The following YWHAE variants were observed in gnomAD, a reference collection of about 807,000 sequenced individuals.
YWHAE encodes tyrosine 3-monooxygenase/tryptophan 5-monooxygenase activation protein epsilon.
Under a neutral mutation model 30.1 loss-of-function variants are expected in YWHAE, and 4 were observed. That is an observed-to-expected ratio of 0.13 (90% CI 0.07 to 0.30). YWHAE has a LOEUF of 0.30. Among genes scored for constraint, YWHAE ranks in the 10% least tolerant of loss-of-function variants. The pLI, the probability that YWHAE is intolerant of heterozygous loss-of-function variation, is 1.00. For synonymous variants in YWHAE, 118 were observed against 111.8 expected (o/e 1.06, Z -0.35); for missense variants, 121 against 315.9 (o/e 0.38, Z 4.68).
chr17:1,363,993 A>C (rs1036527797), intron 2 of YWHAE, among the ~76,000 whole-genome samples: 8 of 152,220 alleles, frequency 5.3e-5, no homozygotes, highest in African/African-American at 1.4e-4. Context: ...AAGTTGTGAC[A>C]ATCAAAAGTA....
intron 1 of YWHAE, among the ~76,000 whole-genome samples, chr17:1,371,581 A>T (rs1296466738): frequency 2.6e-5 from 4 of 152,144 alleles, no homozygotes; most frequent in Admixed American, 6.6e-5. Context: ...CAAATTTTTC[A>T]AACAGTCAAT....
chr17:1,363,629 C>G (rs1338523552), intron 2 of YWHAE, among the ~76,000 whole-genome samples: 1 of 152,188 alleles, frequency 6.6e-6, no homozygotes, highest in Non-Finnish European at 1.5e-5. Context: ...TTTGTGCATT[C>G]ATAGTTGGGA....
chr17:1,379,454 C>T (rs928975510), intron 1 of YWHAE, among the ~76,000 whole-genome samples: 6 of 152,182 alleles, frequency 3.9e-5, no homozygotes, highest in Non-Finnish European at 7.3e-5. Flanking sequence ...CACTGCACTC[C>T]AGCCTGGGCA....
At chr17:1,370,916 T>C (rs1435451867) in intron 1 of YWHAE, among the ~76,000 whole-genome samples, 2 of 151,372 alleles carry the variant, frequency 1.3e-5, no homozygotes, top group African/African-American at 2.4e-5. Flanking sequence ...AGGAGAATGG[T>C]GTGAACCCGG....
intron 5 of YWHAE, among the ~76,000 whole-genome samples, chr17:1,351,086 C>G (rs548149769): frequency 6.6e-6 from 1 of 151,342 alleles, no homozygotes; most frequent in South Asian, 2.1e-4. Flanking sequence ...ATCAGCCAGG[C>G]GCGGTGGCTC....
Position 1,344,628 on chromosome 17 carries a change from G to C in YWHAE, c.*819C>G. 4.4e-6 allele frequency: 1 copy of C among 228,656 alleles called. No homozygotes were observed. The highest frequency in any genetic ancestry group is 6.2e-5 in the East Asian group (1 of 16,022). The allele number at this position is 228,656 out of a possible 1,614,324, so 14.2% of individuals were successfully genotyped here. A position where few individuals can be genotyped will look rare whatever the true frequency, so the allele number is the denominator to read the frequency against. ...TAAGAACAATACAGATTCTGTATCT[G>C]TGGCTCCAGTCAGATATCCAGTAGT... On this transcript the variant is annotated 3_prime_UTR_variant, in exon 6 of 6. Coordinates refer to ENST00000264335, the MANE Select transcript of YWHAE (RefSeq NM_006761.5).
chr17:1,385,905 A>C (rs1207073545), intron 1 of YWHAE, among the ~76,000 whole-genome samples: 1 of 152,052 alleles, frequency 6.6e-6, no homozygotes, highest in Admixed American at 6.6e-5. Flanking sequence ...AGAGACCCCC[A>C]GTCTCCACAA....
chr17:1,356,992 G>A (rs1236784175), intron 4 of YWHAE, among the ~76,000 whole-genome samples: 1 of 151,970 alleles, frequency 6.6e-6, no homozygotes, highest in African/African-American at 2.4e-5. Context: ...AAAAGGGGCC[G>A]GGCGCGGTGG....
intron 1 of YWHAE, among the ~76,000 whole-genome samples, chr17:1,393,387 G>A (rs2073418187): frequency 6.6e-6 from 1 of 151,938 alleles, no homozygotes; most frequent in East Asian, 1.9e-4. Context: ...TTACAGAAAT[G>A]CATAGCATCA....
intron 1 of YWHAE, among the ~76,000 whole-genome samples, chr17:1,367,648 T>C (rs1255447850): frequency 1.3e-5 from 2 of 152,106 alleles, no homozygotes; most frequent in Non-Finnish European, 2.9e-5. Flanking sequence ...CGAGAGACTC[T>C]GTGTCCAGAA....
intron 1 of YWHAE, among the ~76,000 whole-genome samples, chr17:1,387,271 C>G (rs747384190): frequency 6.6e-6 from 1 of 152,072 alleles, no homozygotes; most frequent in Non-Finnish European, 1.5e-5. Flanking sequence ...TCTCAATTTA[C>G]GAGGATACTC....
At chr17:1,357,260 G>A (rs1177292939) in intron 4 of YWHAE, among the ~76,000 whole-genome samples, 45 of 152,128 alleles carry the variant, frequency 3.0e-4, no homozygotes, top group South Asian at 4.2e-4. Flanking sequence ...AAAATTAGCC[G>A]GGCGTGGTGG....
At chr17:1,350,841 C>A (rs1403179948) in intron 5 of YWHAE, among the ~76,000 whole-genome samples, 1 of 151,478 alleles carries the variant, frequency 6.6e-6, no homozygotes. Flanking sequence ...AGGTGGACCA[C>A]GAGGTCAGGA....
At chr17:1,361,481 T>C (rs1202352863) in intron 3 of YWHAE, among the ~76,000 whole-genome samples, 183 bp from the exon 4 acceptor site, 2 of 152,142 alleles carry the variant, frequency 1.3e-5, no homozygotes, top group African/African-American at 4.8e-5. Flanking sequence ...TTTTTTTCCT[T>C]AGACATTTCA....
intron 5 of YWHAE, among the ~76,000 whole-genome samples, chr17:1,347,331 C>CA (rs556974192): frequency 0.055 from 6,180 of 113,270 alleles, 164 homozygotes; most frequent in African/African-American, 0.087. Flanking sequence ...GACTCCGTCT[C>CA]AAAAAAAAAA....
chr17:1,355,162 T>A (rs1426682695), intron 4 of YWHAE, among the ~76,000 whole-genome samples: 1 of 33,866 alleles, frequency 3.0e-5, no homozygotes, highest in East Asian at 7.0e-4. Flanking sequence ...TTTTTTTTTT[T>A]TTTTTTTTTT....
intron 5 of YWHAE, 86 bp from the exon 6 acceptor site, chr17:1,345,585 A>C: frequency 7.1e-7 from 1 of 1,399,222 alleles, no homozygotes; most frequent in Non-Finnish European, 1.0e-6. Flanking sequence ...TTCCAAGCAT[A>C]AAGACTCTTC....
rs147882027 is a variant in YWHAE at position 1,393,135 on chromosome 17, AAAATAAATAAAT to A, written c.64+6900_64+6911del. Among the ~76,000 whole-genome samples, 740 of 144,344 alleles carry A rather than the reference AAAATAAATAAAT, an allele frequency of 5.1e-3. 10 individuals are homozygous for A. Among genetic ancestry groups the A allele is most frequent in the African/African-American group, 0.017 (647 of 39,110 alleles). 94.7% of individuals were successfully genotyped at this position (144,344 alleles called of 152,430 possible). On this transcript the variant is annotated intron_variant, in intron 1 of 5. Transcript: ENST00000264335. ...ACAGAGCAAGACTCCATCTCTCCAA[AAAATAAATAAAT>A]AAATAAATAAATAAATAAATAAATA...
At chr17:1,355,446 T>C (rs139344579) in intron 4 of YWHAE, among the ~76,000 whole-genome samples, 1 of 151,986 alleles carries the variant, frequency 6.6e-6, no homozygotes, top group African/African-American at 2.4e-5. Context: ...GGTTGAGATA[T>C]TTAACAAAGT....
Sources: gnomAD v4.1 joint callset for allele counts (sites outside exome capture counted in the v4.1 genomes callset) on GRCh38, gnomAD v4.1.1 for gene constraint, MANE v1.5 for transcripts, NCBI Gene and HGNC (gene_info 2026-07-23, HGNC 2026-07-21) for gene names.